Variants in TAB2 observed in about 807,000 individuals in gnomAD.
TAB2 encodes the protein TGF-beta activated kinase 1 (MAP3K7) binding protein 2, also known as TGF-beta-activated kinase 1 and MAP3K7-binding protein 2.
In TAB2, 3 loss-of-function variants were observed where a neutral mutation model predicts 65.0. That is an observed-to-expected ratio of 0.05 (90% CI 0.02 to 0.12). The LOEUF (loss-of-function observed/expected upper bound fraction) is 0.12. Ranked by LOEUF, TAB2 falls within the 10% of genes least tolerant of loss-of-function variation. The pLI is 1.00. For missense variants in TAB2, 623 were observed against 840.3 expected (o/e 0.74, Z 3.20); for synonymous variants, 298 against 285.1 (o/e 1.05, Z -0.46).
intron 1 of TAB2, among the ~76,000 whole-genome samples, chr6:149,305,177 G>A (rs1779043063): frequency 6.6e-6 from 1 of 152,250 alleles, no homozygotes; most frequent in South Asian, 2.1e-4. Context: ...TTCCAAGTTT[G>A]GAAACATCAC....
chr6:149,275,494 A>G (rs1201863625), intron 1 of TAB2, among the ~76,000 whole-genome samples: 1 of 152,114 alleles, frequency 6.6e-6, no homozygotes, highest in Non-Finnish European at 1.5e-5. Flanking sequence ...AAATTTATGG[A>G]GAAGAAGAGA....
At chr6:149,305,488 C>T (rs1164068695) in intron 1 of TAB2, among the ~76,000 whole-genome samples, 1 of 152,104 alleles carries the variant, frequency 6.6e-6, no homozygotes, top group African/African-American at 2.4e-5. Context: ...AAAAGCACCT[C>T]CTAATTACTT....
intron 1 of TAB2, chr6:149,255,353 A>G (rs1778000193): frequency 6.6e-6 from 1 of 152,290 alleles, no homozygotes; most frequent in Non-Finnish European, 1.5e-5. Context: ...GTGAGAAATA[A>G]ATGTTTGTTG....
intron 1 of TAB2, among the ~76,000 whole-genome samples, chr6:149,280,396 C>T (rs539497270): frequency 6.6e-6 from 1 of 152,248 alleles, no homozygotes; most frequent in South Asian, 2.1e-4. Context: ...GCAGTCACAC[C>T]TGATTAGGAG....
At chr6:149,272,546 G>C (rs910384050) in intron 1 of TAB2, among the ~76,000 whole-genome samples, 2 of 152,130 alleles carry the variant, frequency 1.3e-5, no homozygotes, top group African/African-American at 4.8e-5. Flanking sequence ...CTGTTGTCAC[G>C]TTTCCTTCTC....
chr6:149,408,331 A>C (rs945107393), intron 6 of TAB2, among the ~76,000 whole-genome samples: 1 of 152,190 alleles, frequency 6.6e-6, no homozygotes, highest in East Asian at 1.9e-4. Context: ...TTGGTTGTGC[A>C]TGTGGCAAAA....
chr6:149,353,609 A>G (rs539239279), intron 1 of TAB2, among the ~76,000 whole-genome samples: 2 of 152,194 alleles, frequency 1.3e-5, no homozygotes, highest in Non-Finnish European at 2.9e-5. Flanking sequence ...TAACCTTCAT[A>G]TTGTTGCCTT....
intron 1 of TAB2, 33 bp downstream of exon 1, chr6:149,318,048 A>AT (rs1779310380): frequency 6.3e-6 from 1 of 157,878 alleles, no homozygotes; most frequent in South Asian, 1.5e-4. Flanking sequence ...CCTCGGCGGG[A>AT]TCCCCAACCT....
At chr6:149,282,823 G>A (rs376708831) in intron 1 of TAB2, among the ~76,000 whole-genome samples, 10 of 152,270 alleles carry the variant, frequency 6.6e-5, no homozygotes, top group Admixed American at 3.3e-4. Flanking sequence ...AGCATTGGCT[G>A]TCATTACTCT....
chr6:149,254,871 G>C (rs1777979279), intron 1 of TAB2, among the ~76,000 whole-genome samples: 1 of 152,120 alleles, frequency 6.6e-6, no homozygotes, highest in South Asian at 2.1e-4. Context: ...GTTAAATGTA[G>C]GCTACACAAA....
At position 149,378,260 on chromosome 6, in the gene TAB2, C is replaced by A. The variant is rs1781473061; in HGVS notation, c.345C>A (p.Gly115=). The change falls in exon 3 of 7, where the codon GGC becomes GGA. Residue 115 remains glycine, a synonymous_variant. Coordinates refer to ENST00000637181, the MANE Select transcript of TAB2 (RefSeq NM_001292034.3). ...HSISDGQLQG[G]QSNSELFQQE... ...TTAGTGATGGACAACTTCAAGGTGG[C>A]CAGTCCAATAGTGAACTATTTCAGC... 2 of 1,614,066 alleles carry A rather than the reference C, an allele frequency of 1.2e-6. No homozygotes were observed. The highest frequency in any genetic ancestry group is 2.2e-5 in the South Asian group (2 of 91,082).
At position 149,356,195 on chromosome 6, in the gene TAB2, T is replaced by C. The variant is rs560474946; in HGVS notation, c.-89-13714T>C. Among the ~76,000 whole-genome samples the C allele has an allele frequency of 2.1e-4, 32 of 152,342 alleles. 1 individual carries two copies. The highest frequency in any genetic ancestry group is 7.7e-4 in the African/African-American group (32 of 41,580). ...AGTTCTACTTTAGCACATAGAAATG[T>C]AGGAGACTGCCATTCAACAGGTATT... On this transcript the variant is annotated intron_variant, in intron 1 of 6. Coordinates refer to ENST00000637181, the MANE Select transcript of TAB2 (RefSeq NM_001292034.3).
chr6:149,294,983 G>A (rs1699503366), intron 1 of TAB2, among the ~76,000 whole-genome samples: 1 of 152,174 alleles, frequency 6.6e-6, no homozygotes, highest in African/African-American at 2.4e-5. Context: ...AAAAGACACA[G>A]TCATATCACG....
intron 1 of TAB2, among the ~76,000 whole-genome samples, chr6:149,338,235 C>T (rs569642986): frequency 6.6e-6 from 1 of 152,264 alleles, no homozygotes; most frequent in South Asian, 2.1e-4. Flanking sequence ...TGTAAATAAC[C>T]TTACATCGGT....
intron 1 of TAB2, among the ~76,000 whole-genome samples, chr6:149,349,747 G>A (rs898496695): frequency 5.9e-5 from 9 of 152,314 alleles, no homozygotes; most frequent in African/African-American, 1.9e-4. Flanking sequence ...GGAAACGCTT[G>A]AGTTTGGGGA....
At chr6:149,347,170 G>T (rs1481699892) in intron 1 of TAB2, 1 of 152,182 alleles carries the variant, frequency 6.6e-6, no homozygotes, top group African/African-American at 2.4e-5. Flanking sequence ...TTGATCCTTA[G>T]AAAATGTAGT....
At chr6:149,393,357 T>A (rs908080525) in intron 3 of TAB2, among the ~76,000 whole-genome samples, 2 of 152,242 alleles carry the variant, frequency 1.3e-5, no homozygotes, top group African/African-American at 4.8e-5. Flanking sequence ...AGAGATACTT[T>A]GCCTTTATTC....
At chr6:149,380,490 A>G (rs1383775908) in intron 3 of TAB2, among the ~76,000 whole-genome samples, 1 of 152,232 alleles carries the variant, frequency 6.6e-6, no homozygotes, top group Non-Finnish European at 1.5e-5. Flanking sequence ...TGATATTGGC[A>G]TACTACATTA....
chr6:149,314,441 T>C (rs930031133), upstream of TAB2, among the ~76,000 whole-genome samples: 7 of 152,230 alleles, frequency 4.6e-5, no homozygotes, highest in African/African-American at 1.7e-4. Flanking sequence ...CAGAATGAAG[T>C]GCTCTCACAG....
Sources: gnomAD v4.1 joint callset for allele counts (sites outside exome capture counted in the v4.1 genomes callset) on GRCh38, gnomAD v4.1.1 for gene constraint, MANE v1.5 for transcripts, NCBI Gene and HGNC (gene_info 2026-07-23, HGNC 2026-07-21) for gene names.